Variants in LAMA2 observed in about 807,000 individuals in gnomAD.
LAMA2 encodes laminin subunit alpha 2.
In LAMA2, 269 loss-of-function variants were observed where a neutral mutation model predicts 364.8. The ratio of observed to expected loss-of-function variants is 0.74; its 90% CI spans 0.67 to 0.82. The LOEUF is 0.82. Among genes scored for constraint, LAMA2 ranks in the 40% least tolerant of loss-of-function variants. The pLI, the probability that LAMA2 is intolerant of heterozygous loss-of-function variation, is 0.00. For missense variants in LAMA2, 3,807 were observed against 3,873.2 expected (o/e 0.98, Z 0.45); for synonymous variants, 1,379 against 1,370.6 (o/e 1.01, Z -0.14).
chr6:129,026,025 A>G (rs1241852546), intron 1 of LAMA2, among the ~76,000 whole-genome samples: 1 of 152,166 alleles, frequency 6.6e-6, no homozygotes, highest in East Asian at 1.9e-4. Flanking sequence ...TTAGCCATCA[A>G]CTGGAATTTG....
chr6:129,493,369 G>A (rs1225158002), intron 58 of LAMA2, among the ~76,000 whole-genome samples: 1 of 152,046 alleles, frequency 6.6e-6, no homozygotes, highest in Non-Finnish European at 1.5e-5. Context: ...GTGTGAATTT[G>A]GGAAAGCTAC....
chr6:129,481,415 G>A lies in LAMA2; in HGVS notation c.7725G>A (p.Arg2575=), dbSNP rs747941827. The A allele has an allele frequency of 1.9e-6, 3 of 1,613,914 alleles. No individual in the cohort carries two copies. Among genetic ancestry groups the A allele is most frequent in the Non-Finnish European group, 2.5e-6 (3 of 1,179,882 alleles). Residue 2575 remains arginine, a synonymous_variant, in exon 55 of 65, where the codon AGG becomes AGA. Transcript: ENST00000421865. The stretch of plus-strand genomic sequence containing the variant: ...GTGGAGGGACACCAGCACCACCTAG[G>A]AGAAAACGAAGGCAGACTGGACAGG... The part of the protein sequence containing the change: ...LGSGGTPAPP[R]RKRRQTGQAY...
chr6:129,056,434 C>T (rs944568818), intron 2 of LAMA2, among the ~76,000 whole-genome samples: 1 of 152,064 alleles, frequency 6.6e-6, no homozygotes, highest in African/African-American at 2.4e-5. Context: ...GACAGGAAGC[C>T]TCATCTCTAT....
At chr6:129,257,220 A>G (rs1225711528) in intron 14 of LAMA2, among the ~76,000 whole-genome samples, 2 of 152,076 alleles carry the variant, frequency 1.3e-5, no homozygotes, top group Non-Finnish European at 2.9e-5. Flanking sequence ...AAAAAAAAAT[A>G]AACTGCAGCC....
At chr6:129,486,216 TACTTTCAGCATC>T (rs1411553141) in intron 55 of LAMA2, among the ~76,000 whole-genome samples, 1 of 152,232 alleles carries the variant, frequency 6.6e-6, no homozygotes, top group East Asian at 1.9e-4. Flanking sequence ...GCACAGCTGT[TACTTTCAGCATC>T]ACAAATCTGC....
At position 129,491,986 on chromosome 6, in the gene LAMA2, G is replaced by T; in HGVS notation, c.7984G>T (p.Val2662Phe). Residue 2662 changes from valine to phenylalanine, a missense_variant, in exon 57 of 65, where the codon GTT (valine) becomes TTT (phenylalanine). Transcript: ENST00000421865. ...GCCTATCGAAGTTAAAAAGCTTTTC[G>T]TTGGGGGTGCTCCACCTGAATTTCA... ...EQPIEVKKLF[V>F]GGAPPEFQPS... 6.2e-7 allele frequency: 1 copy of T among 1,613,996 alleles called. No individual in the cohort carries two copies. Among genetic ancestry groups the T allele is most frequent in the Non-Finnish European group, 8.5e-7 (1 of 1,179,912 alleles).
chr6:129,368,272 A>G (rs1430089942), intron 33 of LAMA2, among the ~76,000 whole-genome samples: 8 of 152,228 alleles, frequency 5.3e-5, no homozygotes, highest in Admixed American at 3.9e-4. Flanking sequence ...GTGTGAGGAC[A>G]CAGGGAGAAG....
At chr6:129,152,704 C>T (rs868543673) in intron 7 of LAMA2, among the ~76,000 whole-genome samples, 9 of 152,198 alleles carry the variant, frequency 5.9e-5, no homozygotes, top group Middle Eastern at 3.4e-3. Flanking sequence ...AACATTAGAG[C>T]GCCTCCCTCC....
chr6:128,888,352 C>G (rs917196604), intron 1 of LAMA2, among the ~76,000 whole-genome samples: 1 of 152,146 alleles, frequency 6.6e-6, no homozygotes, highest in Non-Finnish European at 1.5e-5. Flanking sequence ...AAAAAAATTC[C>G]TGCTCTTGTG....
intron 1 of LAMA2, among the ~76,000 whole-genome samples, chr6:128,894,958 G>A (rs1419873784): frequency 2.6e-5 from 4 of 152,200 alleles, no homozygotes; most frequent in African/African-American, 7.2e-5. Context: ...GACTCCCAGG[G>A]ATTCACAGAT....
intron 20 of LAMA2, among the ~76,000 whole-genome samples, chr6:129,295,488 T>C (rs987574436): frequency 2.0e-5 from 3 of 152,192 alleles, no homozygotes; most frequent in African/African-American, 7.2e-5. Flanking sequence ...GGGTTTTCTT[T>C]AGCCTTTGAA....
chr6:129,048,549 CTT>C (rs796127629), intron 1 of LAMA2, among the ~76,000 whole-genome samples: 1,701 of 49,714 alleles, frequency 0.034, 69 homozygotes, highest in African/African-American at 0.11. Context: ...TCCTTTCTTT[CTT>C]TCTCTCTCTC....
At chr6:129,262,043 A>T (rs997534196) in intron 15 of LAMA2, among the ~76,000 whole-genome samples, 1 of 152,110 alleles carries the variant, frequency 6.6e-6, no homozygotes, top group Non-Finnish European at 1.5e-5. Context: ...CTCTTGTTTT[A>T]AGGCTTGTTT....
At chr6:129,387,333 T>C (rs1310040084) in intron 35 of LAMA2, among the ~76,000 whole-genome samples, 4 of 152,074 alleles carry the variant, frequency 2.6e-5, no homozygotes, top group African/African-American at 7.2e-5. Context: ...ATTAGAGAAA[T>C]GCAAGTCAAA....
intron 17 of LAMA2, among the ~76,000 whole-genome samples, chr6:129,271,326 TGAC>T (rs1787919061): frequency 6.6e-6 from 1 of 152,116 alleles, no homozygotes; most frequent in Non-Finnish European, 1.5e-5. Context: ...AAAGAACACT[TGAC>T]TTCCTCATTT....
intron 4 of LAMA2, 35 bp downstream of exon 4, chr6:129,098,450 G>C: frequency 6.2e-7 from 1 of 1,611,912 alleles, no homozygotes; most frequent in Non-Finnish European, 8.5e-7. Context: ...AAGCACATTT[G>C]ATACGGTGAA....
chr6:129,087,429 G>C (rs1033775319), intron 3 of LAMA2, among the ~76,000 whole-genome samples: 31 of 152,304 alleles, frequency 2.0e-4, no homozygotes, highest in Admixed American at 1.8e-3. Flanking sequence ...ACATACAGGG[G>C]TTGGAGAGAA....
chr6:129,397,437 G>A (rs944084922), intron 37 of LAMA2, among the ~76,000 whole-genome samples: 2 of 152,178 alleles, frequency 1.3e-5, no homozygotes, highest in African/African-American at 2.4e-5. Context: ...CAAGCCATGA[G>A]GAACATGTGT....
rs745446046 is a variant in LAMA2, at chr6:129,514,355, C to CTAT, written c.8989-16_8989-14dup. 5 of 1,561,690 alleles carry CTAT rather than the reference C, an allele frequency of 3.2e-6. No individual in the cohort carries two copies. The highest frequency in any genetic ancestry group is 4.4e-6 in the Non-Finnish European group (5 of 1,132,456). On this transcript the variant is annotated splice_polypyrimidine_tract_variant and intron_variant, in intron 63 of 64. Transcript: ENST00000421865. Reference sequence around the variant, plus strand: ...TTTAATGAAACCATCTGTGACTGTTCTATTTCCTACTTTCCAGTTGATGTT... The same window carrying CTAT: ...TTTAATGAAACCATCTGTGACTGTTCTATTATTTCCTACTTTCCAGTTGATGTT...
Sources: gnomAD v4.1 joint callset for allele counts (sites outside exome capture counted in the v4.1 genomes callset) on GRCh38, gnomAD v4.1.1 for gene constraint, MANE v1.5 for transcripts, NCBI Gene and HGNC (gene_info 2026-07-23, HGNC 2026-07-21) for gene names.